Variants in IQSEC1 observed in about 807,000 individuals in gnomAD.
IQSEC1 encodes the protein IQ motif and Sec7 domain ArfGEF 1, also known as IQ motif and SEC7 domain-containing protein 1.
IQSEC1 carries 31 observed loss-of-function variants against 91.0 expected under a neutral mutation model. The observed-to-expected ratio is 0.34, with a 90% CI of 0.26 to 0.46. IQSEC1 has a LOEUF of 0.46. Ranked by LOEUF, IQSEC1 falls within the 20% of genes least tolerant of loss-of-function variation. IQSEC1 has a pLI of 1.00. For synonymous variants in IQSEC1, 699 were observed against 662.6 expected, an observed-to-expected ratio of 1.05 and a Z score of -0.84; for missense variants, 1,388 against 1,575.6, an observed-to-expected ratio of 0.88 and a Z score of 2.02.
At chr3:13,036,787 T>C (rs2125025287) in intron 1 of IQSEC1, among the ~76,000 whole-genome samples, 1 of 152,338 alleles carries the variant, frequency 6.6e-6, no homozygotes, top group East Asian at 1.9e-4. Context: ...GTTTTAGAGA[T>C]CCCTGGCGGC....
intron 1 of IQSEC1, among the ~76,000 whole-genome samples, chr3:13,175,565 C>A (rs1395240082): frequency 6.6e-6 from 1 of 152,234 alleles, no homozygotes; most frequent in African/African-American, 2.4e-5. Context: ...ACCAGTGGGA[C>A]TGGATTCCCT....
intron 1 of IQSEC1, among the ~76,000 whole-genome samples, chr3:13,046,734 C>T (rs1451563216): frequency 6.6e-6 from 1 of 152,138 alleles, no homozygotes; most frequent in East Asian, 1.9e-4. Context: ...ACTTGTCTCC[C>T]ACCCTCCAAA....
chr3:13,246,391 G>C (rs1257586266), intron 1 of IQSEC1, among the ~76,000 whole-genome samples: 2 of 152,222 alleles, frequency 1.3e-5, no homozygotes, highest in Non-Finnish European at 2.9e-5. Flanking sequence ...TGGGAACAGA[G>C]GCTCAGTCTG....
At chr3:13,230,967 A>G (rs993583611) in intron 1 of IQSEC1, among the ~76,000 whole-genome samples, 2 of 152,196 alleles carry the variant, frequency 1.3e-5, no homozygotes, top group African/African-American at 2.4e-5. Context: ...TCTTAAAAGG[A>G]GGTATCCATT....
intron 1 of IQSEC1, among the ~76,000 whole-genome samples, chr3:13,165,537 CGTGTGTGTGT>C (rs57239903): frequency 4.5e-5 from 3 of 66,644 alleles, no homozygotes; most frequent in Non-Finnish European, 5.8e-5. Flanking sequence ...GGGGGGGTGG[CGTGTGTGTGT>C]GTGTGTGTGT....
intron 1 of IQSEC1, among the ~76,000 whole-genome samples, chr3:13,010,363 C>T (rs1415518727): frequency 6.6e-6 from 1 of 152,200 alleles, no homozygotes; most frequent in African/African-American, 2.4e-5. Context: ...CGAGCTTGGT[C>T]TATCAGAGAG....
Position 13,193,521 on chromosome 3 carries a change from C to T in IQSEC1, c.273-29388G>A, listed in dbSNP as rs1049614928. ...GACTGGGAACAAGGCACAGAGGGGACGAAGAGGAGTGCCAGCCCAGGCCGC... is the reference window on the plus strand; with the variant it reads ...GACTGGGAACAAGGCACAGAGGGGATGAAGAGGAGTGCCAGCCCAGGCCGC... On this transcript the variant is annotated intron_variant, in intron 1 of 15. Coordinates refer to the IQSEC1 transcript ENST00000648114. The surrounding 1 kb of genome is among the most constrained non-coding windows in gnomAD (Gnocchi z 4.2). 2.6e-5 allele frequency among the ~76,000 whole-genome samples: 4 copies of T among 151,872 alleles called. No individual in the cohort carries two copies. The highest frequency in any genetic ancestry group is 1.9e-4 in the East Asian group (1 of 5,164).
At chr3:13,029,315 T>C (rs1442943192) in intron 1 of IQSEC1, among the ~76,000 whole-genome samples, 4 of 152,146 alleles carry the variant, frequency 2.6e-5, no homozygotes, top group African/African-American at 7.2e-5. Flanking sequence ...ATCTGATCTA[T>C]AGGATAAAGA....
intron 1 of IQSEC1, among the ~76,000 whole-genome samples, chr3:12,975,181 A>T (rs542493387): frequency 1.3e-5 from 2 of 152,320 alleles, no homozygotes; most frequent in South Asian, 4.1e-4. Context: ...CCCTTGCTTC[A>T]CTATGGCCCT....
At chr3:13,276,644 G>A (rs1348517742) in intron 1 of IQSEC1, among the ~76,000 whole-genome samples, 1 of 152,200 alleles carries the variant, frequency 6.6e-6, no homozygotes, top group Non-Finnish European at 1.5e-5. Flanking sequence ...CACAGATGGG[G>A]GCCTGCAGGG....
intron 1 of IQSEC1, among the ~76,000 whole-genome samples, chr3:12,985,755 GA>G (rs1391474204): frequency 7.2e-5 from 11 of 152,168 alleles, no homozygotes; most frequent in Non-Finnish European, 1.5e-4. Flanking sequence ...CCAGATACCT[GA>G]AAAATACTTT....
chr3:12,919,162 C>T (rs1575902638), intron 6 of IQSEC1, among the ~76,000 whole-genome samples: 1 of 152,220 alleles, frequency 6.6e-6, no homozygotes, highest in African/African-American at 2.4e-5. Flanking sequence ...CATGTTGTAC[C>T]ATCAAAGTGT....
intron 2 of IQSEC1, among the ~76,000 whole-genome samples, chr3:13,142,783 G>A (rs1706823021): frequency 1.3e-5 from 2 of 152,230 alleles, no homozygotes; most frequent in African/African-American, 2.4e-5. Flanking sequence ...GTCAAGGGCT[G>A]TTTTTAAACA....
At chr3:13,274,386 C>A (rs935069794) in intron 1 of IQSEC1, among the ~76,000 whole-genome samples, 3 of 152,252 alleles carry the variant, frequency 2.0e-5, no homozygotes, top group Admixed American at 1.3e-4. Context: ...TCCCAGGACA[C>A]CCTCTGGGCA....
chr3:13,171,345 G>A (rs1693607487), intron 1 of IQSEC1, among the ~76,000 whole-genome samples: 1 of 152,206 alleles, frequency 6.6e-6, no homozygotes, highest in Admixed American at 6.5e-5. Flanking sequence ...CTCACCTCCA[G>A]AGGCAGATTT....
chr3:13,133,338 T>G (rs1312761089), intron 2 of IQSEC1, among the ~76,000 whole-genome samples: 1 of 152,242 alleles, frequency 6.6e-6, no homozygotes, highest in Non-Finnish European at 1.5e-5. Flanking sequence ...CAGAAGTGGC[T>G]GGACCAGGTC....
rs560958384 is a variant in IQSEC1 at position 13,072,138 on chromosome 3, C to G, written c.23+854G>C. On this transcript the variant is annotated intron_variant, in intron 1 of 13. Coordinates refer to ENST00000613206, the MANE Select transcript of IQSEC1 (RefSeq NM_001134382.3). ...AGAGGACTCAGCCATGCTCTCTAACCTCCTAAGGTCTGAGGTCACTGCACA... is the reference window on the plus strand; with the variant it reads ...AGAGGACTCAGCCATGCTCTCTAACGTCCTAAGGTCTGAGGTCACTGCACA... Among the ~76,000 whole-genome samples the G allele has an allele frequency of 4.7e-4, 71 of 152,390 alleles. 1 individual carries two copies. The highest frequency in any genetic ancestry group is 1.5e-3 in the African/African-American group (61 of 41,604).
chr3:12,917,700 G>C lies in IQSEC1; in HGVS notation c.2021-1967C>G, dbSNP rs74767479. Among the ~76,000 whole-genome samples, 1,459 of 152,334 alleles carry C rather than the reference G, an allele frequency of 9.6e-3. 30 individuals are homozygous for C. The highest frequency in any genetic ancestry group is 0.033 in the African/African-American group (1,373 of 41,568). The stretch of plus-strand genomic sequence containing the variant: ...ACAGTTTTGAATGGAGATGCTATAA[G>C]TATCCGTGTGCAGGTTTTTCTGTGG... On this transcript the variant is annotated intron_variant, in intron 6 of 13. Transcript: ENST00000613206.
intron 2 of IQSEC1, among the ~76,000 whole-genome samples, chr3:13,156,227 G>A (rs911687471): frequency 1.2e-4 from 18 of 151,652 alleles, no homozygotes; most frequent in South Asian, 4.2e-4. Context: ...GCGAGACTCC[G>A]TCCCAAAAAA....
Sources: gnomAD v4.1 joint callset for allele counts (sites outside exome capture counted in the v4.1 genomes callset) on GRCh38, gnomAD v4.1.1 for gene constraint, Gnocchi (gnomAD v3.1) non-coding constraint, MANE v1.5 for transcripts, NCBI Gene and HGNC (gene_info 2026-07-23, HGNC 2026-07-21) for gene names.